ANXA1: variants seen among roughly 807,000 people sequenced by gnomAD.
ANXA1 encodes annexin A1, also known as annexin I (lipocortin I).
A neutral mutation model predicts 47.9 loss-of-function variants in ANXA1; 39 were observed. That is an observed-to-expected ratio of 0.81 (90% CI 0.63 to 1.06). The LOEUF is 1.06. ANXA1 is among the 50% of genes least tolerant of loss of function. The probability of loss-of-function intolerance (pLI) is 0.00; values close to 1 mark genes in which losing one functional copy is unlikely to be tolerated. For synonymous variants in ANXA1, 146 were observed against 142.5 expected (o/e 1.02, Z -0.17); for missense variants, 446 against 422.7 (o/e 1.06, Z -0.48).
At position 73,158,612 on chromosome 9, in the gene ANXA1, T is replaced by C. The variant is rs748825404; in HGVS notation, c.66+11T>C. On this transcript the variant is annotated intron_variant, in intron 2 of 12. Coordinates refer to ENST00000257497, the MANE Select transcript of ANXA1 (RefSeq NM_000700.3). Reference sequence around the variant, plus strand: ...GAGCAGGAATATGTTGTAAGTAGAGTGATAATAAAATTATGATTACAATAT... The same window carrying C: ...GAGCAGGAATATGTTGTAAGTAGAGCGATAATAAAATTATGATTACAATAT... 2 of 1,611,938 alleles carry C rather than the reference T, an allele frequency of 1.2e-6. No homozygotes were observed. The highest frequency in any genetic ancestry group is 4.5e-5 in the East Asian group (2 of 44,846).
intron 11 of ANXA1, 149 bp downstream of exon 11, chr9:73,167,704 A>G (rs924619104): frequency 1.5e-6 from 1 of 680,514 alleles, no homozygotes; most frequent in Non-Finnish European, 2.4e-6. Flanking sequence ...GTAATACACT[A>G]CCTTCTCAGA....
rs1588219489 is a variant in ANXA1 at position 73,159,572 on chromosome 9, G to C, written c.270+149G>C. 5 of 542,640 alleles carry C rather than the reference G, an allele frequency of 9.2e-6. No individual in the cohort carries two copies. In the East Asian group the frequency reaches 1.7e-4, roughly 18 times the overall value. 33.6% of individuals were successfully genotyped at this position (542,640 alleles called of 1,614,324 possible). On this transcript the variant is annotated intron_variant, in intron 4 of 12. Coordinates refer to ENST00000257497, the MANE Select transcript of ANXA1 (RefSeq NM_000700.3). ...TGGGATTGCAGTGTTTATCCACTTT[G>C]TTGCAATTTAATCAATTTTATCAAA... is the stretch of plus-strand genomic sequence containing the variant.
chr9:73,170,268 A>G lies in ANXA1; in HGVS notation c.*161A>G, dbSNP rs552849604. On this transcript the variant is annotated 3_prime_UTR_variant, in exon 13 of 13. Transcript: ENST00000257497. ...TCATTTTTATATTATAACTCTGTAT[A>G]ATAGAGATAAGTCCATTTTTTAAAA... 13 of 465,842 alleles carry G rather than the reference A, an allele frequency of 2.8e-5. No individual in the cohort carries two copies. The East Asian group carries it at 4.3e-4, about 15-fold the overall frequency. 28.9% of individuals were successfully genotyped at this position (465,842 alleles called of 1,614,324 possible). A position where few individuals can be genotyped will look rare whatever the true frequency, so the allele number is the denominator to read the frequency against.
intron 6 of ANXA1, among the ~76,000 whole-genome samples, chr9:73,161,602 T>C (rs1824144259): frequency 6.6e-6 from 1 of 152,086 alleles, no homozygotes; most frequent in African/African-American, 2.4e-5. Flanking sequence ...ATATAGAAGA[T>C]CTTTCTGCTT....
At chr9:73,162,704 A>G in intron 6 of ANXA1, 78 bp from the exon 7 acceptor site, 1 of 1,110,466 alleles carries the variant, frequency 9.0e-7, no homozygotes, top group Non-Finnish European at 1.3e-6. Flanking sequence ...TGAATTTTCA[A>G]CCAACTTAGA....
At chr9:73,164,620 GA>G (rs1322257218) in intron 8 of ANXA1, among the ~76,000 whole-genome samples, 1 of 151,932 alleles carries the variant, frequency 6.6e-6, no homozygotes, top group Non-Finnish European at 1.5e-5. Context: ...ATATATAAAA[GA>G]AAAAAATCTG....
At chr9:73,166,609 G>A (rs1299312871) in intron 10 of ANXA1, among the ~76,000 whole-genome samples, 1 of 151,998 alleles carries the variant, frequency 6.6e-6, no homozygotes, top group African/African-American at 2.4e-5. Context: ...TGATTCAGTG[G>A]GTCCGAGTTG....
intron 1 of ANXA1, chr9:73,154,371 T>A: frequency 7.3e-7 from 1 of 1,364,448 alleles, no homozygotes; most frequent in Non-Finnish European, 9.8e-7. Flanking sequence ...ACTGATCATG[T>A]CATTTTCTTT....
chr9:73,153,231 C>A (rs890483322), intron 1 of ANXA1, among the ~76,000 whole-genome samples: 1 of 152,104 alleles, frequency 6.6e-6, no homozygotes, highest in African/African-American at 2.4e-5. Context: ...TTATTAAATA[C>A]TTTTTCAACC....
intron 1 of ANXA1, among the ~76,000 whole-genome samples, chr9:73,156,103 GAAT>G (rs370412684): frequency 0.016 from 2,289 of 140,096 alleles, 50 homozygotes; most frequent in East Asian, 0.047. Context: ...GAAAAGAATG[GAAT>G]AATAATAATA....
Position 73,165,179 on chromosome 9 carries a change from A to AC in ANXA1, c.678dup (p.Thr227HisfsTer19), listed in dbSNP as rs772932981. The AC allele has an allele frequency of 6.2e-7, 1 of 1,612,772 alleles. No homozygotes were observed. The highest frequency in any genetic ancestry group is 8.5e-7 in the Non-Finnish European group (1 of 1,179,072). On this transcript the variant is annotated frameshift_variant, in exon 9 of 13. Transcript: ENST00000257497. LOFTEE classifies it high-confidence loss of function. ...CGTAAACGTGTTCAATACCATCCTTACCACCAGAAGCTATCCACAACTTCG... is the reference window on the plus strand; with the variant it reads ...CGTAAACGTGTTCAATACCATCCTTACCCACCAGAAGCTATCCACAACTTCG...
intron 10 of ANXA1, among the ~76,000 whole-genome samples, chr9:73,166,648 T>A (rs180923696): frequency 6.6e-6 from 1 of 152,226 alleles, no homozygotes; most frequent in Admixed American, 6.5e-5. Flanking sequence ...TTTTTAAAGA[T>A]CTCCCAGGTT....
At chr9:73,163,341 C>A in intron 7 of ANXA1, 135 bp from the exon 8 acceptor site, 1 of 803,604 alleles carries the variant, frequency 1.2e-6, no homozygotes, top group East Asian at 2.8e-5. Context: ...AATCTTGTAT[C>A]TGAGCTCCTT....
chr9:73,166,821 A>G (rs1156827918), intron 10 of ANXA1, among the ~76,000 whole-genome samples: 2 of 152,160 alleles, frequency 1.3e-5, no homozygotes, highest in South Asian at 2.1e-4. Flanking sequence ...CTCCCCATTG[A>G]TGCCAATGCT....
intron 7 of ANXA1, 99 bp from the exon 8 acceptor site, chr9:73,163,377 T>G: frequency 8.0e-7 from 1 of 1,249,860 alleles, no homozygotes; most frequent in Non-Finnish European, 1.1e-6. Flanking sequence ...AGAATACCTT[T>G]TTCTCAAAAA....
chr9:73,153,803 C>T (rs1366136631), intron 1 of ANXA1, among the ~76,000 whole-genome samples: 1 of 152,136 alleles, frequency 6.6e-6, no homozygotes, highest in Non-Finnish European at 1.5e-5. Flanking sequence ...GAAGTACATA[C>T]ATAATGAATA....
Position 73,160,801 on chromosome 9 carries a change from A to G in ANXA1, c.385-2A>G, listed in dbSNP as rs1255165949. Reference sequence around the variant, plus strand: ...TTATCCTTTTCTTCTCTTCAAATTTAGGGCCTTGGAACTGATGAAGATACT... The same window carrying G: ...TTATCCTTTTCTTCTCTTCAAATTTGGGGCCTTGGAACTGATGAAGATACT... On this transcript the variant is annotated splice_acceptor_variant, in intron 5 of 12. Transcript: ENST00000257497. LOFTEE classifies it high-confidence loss of function. The G allele has an allele frequency of 6.2e-7, 1 of 1,602,944 alleles. No individual in the cohort carries two copies. The highest frequency in any genetic ancestry group is 8.5e-7 in the Non-Finnish European group (1 of 1,172,774).
intron 1 of ANXA1, 120 bp from the exon 2 acceptor site, chr9:73,158,402 C>T: frequency 1.3e-6 from 1 of 742,224 alleles, no homozygotes; most frequent in Non-Finnish European, 2.2e-6. Context: ...GTAATTGATC[C>T]TGGAAAGTAA....
chr9:73,166,426 T>G (rs1242379650), intron 10 of ANXA1, among the ~76,000 whole-genome samples: 2 of 152,100 alleles, frequency 1.3e-5, no homozygotes, highest in Non-Finnish European at 2.9e-5. Flanking sequence ...CTATACTTAT[T>G]GAGCACCTAC....
Sources: gnomAD v4.1 joint callset for allele counts (sites outside exome capture counted in the v4.1 genomes callset) on GRCh38, gnomAD v4.1.1 for gene constraint, MANE v1.5 for transcripts, NCBI Gene and HGNC (gene_info 2026-07-23, HGNC 2026-07-21) for gene names.